Variants in USP1 observed in about 807,000 individuals in gnomAD.
USP1 encodes ubiquitin specific peptidase 1.
A neutral mutation model predicts 72.2 loss-of-function variants in USP1; 18 were observed. That is an observed-to-expected ratio of 0.25 (90% CI 0.17 to 0.37). USP1 has a LOEUF of 0.37. Ranked by LOEUF, USP1 falls within the 10% of genes least tolerant of loss-of-function variation. The pLI is 1.00. For missense variants in USP1, 759 were observed against 884.9 expected, an observed-to-expected ratio of 0.86 and a Z score of 1.81; for synonymous variants, 354 against 303.7, an observed-to-expected ratio of 1.17 and a Z score of -1.72.
chr1:62,441,386 A>G, intron 2 of USP1, 102 bp from the exon 3 acceptor site: 1 of 1,318,630 alleles, frequency 7.6e-7, no homozygotes, highest in Non-Finnish European at 1.0e-6. Context: ...CATACTTTTC[A>G]GATTATACAA....
rs1415790421 is a variant in USP1 at position 62,451,785 on chromosome 1, C to CT, written c.*805dup. 1 of 152,380 alleles carries CT rather than the reference C, an allele frequency of 6.6e-6. No homozygotes were observed. The highest frequency in any genetic ancestry group is 2.4e-5 in the African/African-American group (1 of 41,332). 9.4% of individuals were successfully genotyped at this position (152,380 alleles called of 1,614,324 possible). A position where few individuals can be genotyped will look rare whatever the true frequency, so the allele number is the denominator to read the frequency against. Reference sequence around the variant, plus strand: ...TACTTGTATATTTTTATAAATACAGCTGAGTTTTCTTAAAGCGAATAAGTG... The same window carrying CT: ...TACTTGTATATTTTTATAAATACAGCTTGAGTTTTCTTAAAGCGAATAAGTG... On this transcript the variant is annotated 3_prime_UTR_variant, in exon 9 of 9. Transcript: ENST00000339950.
chr1:62,447,319 C>A (rs1015521638), intron 6 of USP1, 22 bp from the exon 7 acceptor site: 2 of 1,606,006 alleles, frequency 1.2e-6, no homozygotes, highest in South Asian at 1.1e-5. Flanking sequence ...TATAGACTTA[C>A]ATTTTCCTAT....
At position 62,450,825 on chromosome 1, in the gene USP1, A is replaced by C. The variant is rs1645210915; in HGVS notation, c.2202A>C (p.Ser734=). Reference sequence around the variant, plus strand: ...TTAGTGGATTTGAGAACAAAATTTCATACGTAGTGCAAAGCTTAAAGGAGT... The same window carrying C: ...TTAGTGGATTTGAGAACAAAATTTCCTACGTAGTGCAAAGCTTAAAGGAGT... ...INISGFENKI[S]YVVQSLKEYE... is the part of the protein sequence containing the mutation. The change falls in exon 9 of 9, where the codon TCA becomes TCC. Residue 734 remains serine (S), a synonymous_variant. Transcript: ENST00000339950. 6.2e-7 allele frequency: 1 copy of C among 1,614,062 alleles called. No homozygotes were observed. The highest frequency in any genetic ancestry group is 8.5e-7 in the Non-Finnish European group (1 of 1,179,976).
At chr1:62,442,023 GAC>G (rs1645137863) in intron 3 of USP1, among the ~76,000 whole-genome samples, 170 bp from the exon 4 acceptor site, 1 of 152,150 alleles carries the variant, frequency 6.6e-6, no homozygotes, top group African/African-American at 2.4e-5. Context: ...AATGAGGGAA[GAC>G]ACTGGGCTAC....
chr1:62,443,311 C>T lies in USP1; in HGVS notation c.549C>T (p.Asn183=). ...CCACTCAGCCAAGGCGACTGCTTAA[C>T]ACACTGAGGTATAGCCTATAATATA... ...ELATQPRRLL[N]TLRELNPMYE... is the part of the protein sequence containing the mutation. The change falls in exon 5 of 9, where the codon AAC becomes AAT. Residue 183 remains asparagine, a synonymous_variant. Transcript: ENST00000339950. The T allele has an allele frequency of 6.2e-7, 1 of 1,611,126 alleles. No individual in the cohort carries two copies. The highest frequency in any genetic ancestry group is 8.5e-7 in the Non-Finnish European group (1 of 1,179,242).
Position 62,441,475 on chromosome 1 carries a change from C to T in USP1, c.171-13C>T. The T allele has an allele frequency of 6.3e-7, 1 of 1,589,098 alleles. No individual in the cohort carries two copies. The highest frequency in any genetic ancestry group is 8.5e-7 in the Non-Finnish European group (1 of 1,171,714). On this transcript the variant is annotated splice_polypyrimidine_tract_variant and intron_variant, in intron 2 of 8. Coordinates refer to ENST00000339950, the MANE Select transcript of USP1 (RefSeq NM_003368.5). ...AGATAACTACTTATCGTTCTCCCTT[C>T]TATATTTCATAGTGATCAAGTTGTT...
chr1:62,441,401 T>G, intron 2 of USP1, 87 bp from the exon 3 acceptor site: 1 of 1,388,382 alleles, frequency 7.2e-7, no homozygotes, highest in Non-Finnish European at 9.5e-7. Flanking sequence ...ATACAACTTT[T>G]GGGAAAAGAC....
At chr1:62,446,794 C>A (rs567820322) in intron 6 of USP1, among the ~76,000 whole-genome samples, 1 of 152,156 alleles carries the variant, frequency 6.6e-6, no homozygotes, top group South Asian at 2.1e-4. Flanking sequence ...TACAATACAA[C>A]TGACTTTTTT....
Position 62,444,600 on chromosome 1 carries a change from A to G in USP1, c.558-138A>G, listed in dbSNP as rs1423831114. On this transcript the variant is annotated intron_variant, in intron 5 of 8. Coordinates refer to ENST00000339950, the MANE Select transcript of USP1 (RefSeq NM_003368.5). ...TTTAGTTACAGATAAGAAATTCCAA[A>G]TTAGTGCTGAATAAATGTCTTGACA... The G allele has an allele frequency of 9.0e-6, 6 of 666,436 alleles. No homozygotes were observed. In the Admixed American group the frequency reaches 2.4e-4, roughly 27 times the overall value. 41.3% of individuals were successfully genotyped at this position (666,436 alleles called of 1,614,324 possible).
chr1:62,444,274 A>G (rs1456658790), intron 5 of USP1, among the ~76,000 whole-genome samples: 1 of 145,128 alleles, frequency 6.9e-6, no homozygotes. Context: ...AAAAAAAAAA[A>G]AAAAAAGGCC....
chr1:62,442,401 G>T (rs1306687825), intron 4 of USP1, 102 bp downstream of exon 4: 3 of 808,602 alleles, frequency 3.7e-6, no homozygotes, highest in Non-Finnish European at 5.7e-6. Flanking sequence ...GGATGACAAA[G>T]ATTATTTCTC....
chr1:62,440,171 C>G, intron 2 of USP1, 134 bp downstream of exon 2: 1 of 738,520 alleles, frequency 1.4e-6, no homozygotes, highest in Non-Finnish European at 1.9e-6. Flanking sequence ...TTAGTCAAAT[C>G]TAGCAGTTTA....
At chr1:62,441,700 T>C (rs1645135598) in intron 3 of USP1, 92 bp downstream of exon 3, 1 of 1,391,208 alleles carries the variant, frequency 7.2e-7, no homozygotes, top group African/African-American at 1.5e-5. Flanking sequence ...GACTTTAATG[T>C]CCATACTGTC....
chr1:62,447,600 G>A, intron 7 of USP1, 89 bp downstream of exon 7: 8 of 1,431,066 alleles, frequency 5.6e-6, no homozygotes, highest in African/African-American at 1.4e-5. Context: ...GGTGTAATTA[G>A]GGAGGGGAAA....
In USP1 at chr1:62,450,429, C is replaced by T. The variant is rs746368982; in HGVS notation, c.1806C>T (p.Asp602=). Residue 602 remains aspartate, a synonymous_variant, in exon 9 of 9, where the codon GAC becomes GAT. Coordinates refer to ENST00000339950, the MANE Select transcript of USP1 (RefSeq NM_003368.5). ...ACACTGCTTCTGTTAAAGTCACTGA[C>T]CTTAACAGTTTAGAACTAGATAAAG... ...GHYTASVKVT[D]LNSLELDKGN... 12 of 1,613,908 alleles carry T rather than the reference C, an allele frequency of 7.4e-6. No individual in the cohort carries two copies. The highest frequency in any genetic ancestry group is 1.0e-5 in the Non-Finnish European group (12 of 1,180,014).
intron 6 of USP1, 149 bp downstream of exon 6, chr1:62,445,578 T>C (rs1426187095): frequency 2.9e-6 from 2 of 687,316 alleles, no homozygotes; most frequent in African/African-American, 3.6e-5. Flanking sequence ...CTATGGTGTT[T>C]TAAGTGCTAT....
At chr1:62,449,095 T>G (rs973081917) in intron 8 of USP1, among the ~76,000 whole-genome samples, 1 of 152,122 alleles carries the variant, frequency 6.6e-6, no homozygotes, top group Non-Finnish European at 1.5e-5. Context: ...TGTTGCCCAG[T>G]CTGATCTTGA....
chr1:62,441,313 T>C (rs890087882), intron 2 of USP1, among the ~76,000 whole-genome samples, 175 bp from the exon 3 acceptor site: 5 of 152,240 alleles, frequency 3.3e-5, no homozygotes, highest in Admixed American at 3.3e-4. Flanking sequence ...TTAAAACTTT[T>C]ATTCTGGGCA....
intron 8 of USP1, among the ~76,000 whole-genome samples, chr1:62,450,004 GAA>G (rs1309684671): frequency 6.6e-6 from 1 of 151,660 alleles, no homozygotes; most frequent in East Asian, 1.9e-4. Context: ...GAAAATAAAG[GAA>G]AAAATACAAT....
Sources: gnomAD v4.1 joint callset for allele counts (sites outside exome capture counted in the v4.1 genomes callset) on GRCh38, gnomAD v4.1.1 for gene constraint, MANE v1.5 for transcripts, NCBI Gene and HGNC (gene_info 2026-07-23, HGNC 2026-07-21) for gene names.